Variants in PPP1R9A observed in about 807,000 individuals in gnomAD.
The protein encoded by PPP1R9A is neurabin-1.
Under a neutral mutation model 141.9 loss-of-function variants are expected in PPP1R9A, and 59 were observed. That is an observed-to-expected ratio of 0.42 (90% confidence interval 0.34 to 0.52). The LOEUF is 0.52. Ranked by LOEUF, PPP1R9A falls within the 20% of genes least tolerant of loss-of-function variation. The pLI, the probability that PPP1R9A is intolerant of heterozygous loss-of-function variation, is 0.10. For missense variants in PPP1R9A, 1,444 were observed against 1,611.9 expected, an observed-to-expected ratio of 0.90 and a Z score of 1.78; for synonymous variants, 500 against 569.7, an observed-to-expected ratio of 0.88 and a Z score of 1.74.
rs564815833 is a variant in PPP1R9A at position 95,071,636 on chromosome 7, G to A, written c.1396-39623G>A. ...CTATCTGGGGTCATTTTGAATAGCT[G>A]ATTATCTAGTAGTTTTAAAATTAAA... is the stretch of plus-strand genomic sequence containing the variant. On this transcript the variant is annotated intron_variant, in intron 2 of 19. Coordinates refer to ENST00000433360, the MANE Select transcript of PPP1R9A (RefSeq NM_001166160.2). Among the ~76,000 whole-genome samples the A allele has an allele frequency of 1.9e-3, 290 of 151,828 alleles. 2 individuals carry two copies. Among genetic ancestry groups the A allele is most frequent in the Non-Finnish European group, 2.3e-3 (156 of 67,844 alleles).
intron 2 of PPP1R9A, among the ~76,000 whole-genome samples, chr7:95,082,308 T>C (rs148024101): frequency 1.6e-4 from 25 of 152,326 alleles, no homozygotes; most frequent in African/African-American, 6.0e-4. Context: ...TCAGAAGACT[T>C]ACATGCATGT....
At chr7:95,100,285 T>G (rs1818589642) in intron 2 of PPP1R9A, among the ~76,000 whole-genome samples, 1 of 152,050 alleles carries the variant, frequency 6.6e-6, no homozygotes. Flanking sequence ...ATTTAAAAAT[T>G]TAGAGAGTTT....
intron 4 of PPP1R9A, among the ~76,000 whole-genome samples, chr7:95,133,862 A>G (rs1286122999): frequency 6.6e-6 from 1 of 151,786 alleles, no homozygotes; most frequent in East Asian, 1.9e-4. Context: ...GTTGATTTTT[A>G]TATTTTTAGT....
At chr7:95,056,871 A>G (rs1314023335) in intron 2 of PPP1R9A, among the ~76,000 whole-genome samples, 1 of 152,162 alleles carries the variant, frequency 6.6e-6, no homozygotes, top group African/African-American at 2.4e-5. Context: ...ATGTTTGGAC[A>G]TTAATTATGT....
Position 94,999,895 on chromosome 7 carries a change from G to A in PPP1R9A, c.1395+88387G>A, listed in dbSNP as rs182563866. Among the ~76,000 whole-genome samples, 20 of 151,874 alleles carry A rather than the reference G, an allele frequency of 1.3e-4. No individual in the cohort carries two copies. In the East Asian group the frequency reaches 3.7e-3, roughly 28 times the overall value. On this transcript the variant is annotated intron_variant, in intron 2 of 19. Coordinates refer to ENST00000433360, the MANE Select transcript of PPP1R9A (RefSeq NM_001166160.2). Reference sequence around the variant, plus strand: ...TAGCTCTTGGCAACCTCGGACTGCCGGGTTCAAGCGATTCTTGTGCCTCAG... The same window carrying A: ...TAGCTCTTGGCAACCTCGGACTGCCAGGTTCAAGCGATTCTTGTGCCTCAG...
rs1045735016 is a variant in PPP1R9A, at chr7:95,230,293, A to G, written c.2112+4177A>G. On this transcript the variant is annotated intron_variant, in intron 8 of 19. Coordinates refer to ENST00000433360, the MANE Select transcript of PPP1R9A (RefSeq NM_001166160.2). ...CAAAAGATCATACCAGTTAGCCAGC[A>G]ATGGATCCAAACCAAGATGAAATCT... 2.6e-5 allele frequency among the ~76,000 whole-genome samples: 4 copies of G among 152,170 alleles called. No homozygotes were observed. In the East Asian group the frequency reaches 5.8e-4, roughly 22 times the overall value.
At chr7:95,047,239 G>C (rs1167334058) in intron 2 of PPP1R9A, among the ~76,000 whole-genome samples, 1 of 152,122 alleles carries the variant, frequency 6.6e-6, no homozygotes, top group Non-Finnish European at 1.5e-5. Context: ...TAGTATACAT[G>C]AATAAATTTT....
chr7:95,024,885 A>C (rs1806579525), intron 2 of PPP1R9A, among the ~76,000 whole-genome samples: 1 of 152,006 alleles, frequency 6.6e-6, no homozygotes, highest in Non-Finnish European at 1.5e-5. Flanking sequence ...TAGGCTTTGT[A>C]ATTTGGTATG....
intron 3 of PPP1R9A, among the ~76,000 whole-genome samples, chr7:95,117,924 C>A (rs549169923): frequency 9.9e-5 from 15 of 152,204 alleles, no homozygotes; most frequent in Middle Eastern, 3.4e-3. Flanking sequence ...ATCTCTTAAA[C>A]AACACAAGAG....
chr7:95,150,771 A>G (rs1828518835), intron 4 of PPP1R9A, among the ~76,000 whole-genome samples: 1 of 152,244 alleles, frequency 6.6e-6, no homozygotes, highest in Non-Finnish European at 1.5e-5. Context: ...AAACTAATAA[A>G]GGACTGTTAT....
intron 12 of PPP1R9A, among the ~76,000 whole-genome samples, chr7:95,265,281 A>T (rs1337784696): frequency 6.6e-6 from 1 of 152,142 alleles, no homozygotes; most frequent in Non-Finnish European, 1.5e-5. Flanking sequence ...CTTGAGATTG[A>T]CCTTCCAGAA....
intron 2 of PPP1R9A, among the ~76,000 whole-genome samples, chr7:95,021,957 T>G (rs1806029925): frequency 6.6e-6 from 1 of 152,220 alleles, no homozygotes; most frequent in South Asian, 2.1e-4. Flanking sequence ...ATGTGGGCTG[T>G]TTTTTGGTTC....
chr7:95,192,931 T>A (rs1835722441), intron 5 of PPP1R9A, among the ~76,000 whole-genome samples: 1 of 152,152 alleles, frequency 6.6e-6, no homozygotes, highest in Admixed American at 6.5e-5. Context: ...TAAGAACGTA[T>A]AGGAAGGTAA....
Position 95,268,571 on chromosome 7 carries a change from A to T in PPP1R9A, c.2687A>T (p.Glu896Val). The T allele has an allele frequency of 2.5e-6, 4 of 1,613,320 alleles. No individual in the cohort carries two copies. Among genetic ancestry groups the T allele is most frequent in the Non-Finnish European group, 3.4e-6 (4 of 1,179,446 alleles). ...LSQDLNEAVP[E>V]TERLDSKALK... The stretch of plus-strand genomic sequence containing the variant: ...TTAGACTTGAATGAAGCAGTCCCAG[A>T]GACAGAGCGCCTGGATTCAAAAGCA... The change falls in exon 13 of 20, where the codon GAG becomes GTG. Residue 896 changes from glutamate (E) to valine (V), a missense_variant. Coordinates refer to ENST00000433360, the MANE Select transcript of PPP1R9A (RefSeq NM_001166160.2).
chr7:95,063,320 A>G (rs1812499697), intron 2 of PPP1R9A, among the ~76,000 whole-genome samples: 2 of 152,224 alleles, frequency 1.3e-5, no homozygotes, highest in Non-Finnish European at 1.5e-5. Flanking sequence ...CAGCAATTTA[A>G]TAGGAGGCTG....
At chr7:95,273,358 C>T (rs1025093330) in intron 14 of PPP1R9A, among the ~76,000 whole-genome samples, 6 of 152,204 alleles carry the variant, frequency 3.9e-5, no homozygotes, top group Non-Finnish European at 5.9e-5. Flanking sequence ...GTTCCAGGAC[C>T]GGCCACAGGC....
rs866847097 is a variant in PPP1R9A, at chr7:95,125,888, C to T, written c.1649+5056C>T. Among the ~76,000 whole-genome samples, 3 of 152,096 alleles carry T rather than the reference C, an allele frequency of 2.0e-5. No homozygotes were observed. The South Asian group carries it at 6.2e-4, about 32-fold the overall frequency. Reference sequence around the variant, plus strand: ...ATACAATAGATTAAAGAGTCCTATTCTTTTGCTTATCCTGCAGCAAATTCA... The same window carrying T: ...ATACAATAGATTAAAGAGTCCTATTTTTTTGCTTATCCTGCAGCAAATTCA... On this transcript the variant is annotated intron_variant, in intron 4 of 19. Transcript: ENST00000433360.
chr7:95,029,654 A>C (rs752154917), intron 2 of PPP1R9A, among the ~76,000 whole-genome samples: 1 of 152,188 alleles, frequency 6.6e-6, no homozygotes, highest in Non-Finnish European at 1.5e-5. Flanking sequence ...TAGGAGACTT[A>C]TATCATGCTA....
At chr7:95,000,723 C>G (rs755759097) in intron 2 of PPP1R9A, among the ~76,000 whole-genome samples, 1 of 152,130 alleles carries the variant, frequency 6.6e-6, no homozygotes, top group Non-Finnish European at 1.5e-5. Context: ...GTAAATGATG[C>G]AGATAGGCTA....
Sources: allele counts gnomAD v4.1 joint callset (sites outside exome capture counted in the v4.1 genomes callset), GRCh38; gene constraint gnomAD v4.1.1; transcripts MANE v1.5; gene names NCBI Gene and HGNC (gene_info 2026-07-23, HGNC 2026-07-21).